Variants in ZNF678 observed in about 807,000 individuals in gnomAD.
The protein encoded by ZNF678 is hypothetical protein MGC42493.
In ZNF678, 5 loss-of-function variants were observed where a neutral mutation model predicts 3.0. That is an observed-to-expected ratio of 1.69 (90% CI 0.88 to 3.56). The LOEUF (loss-of-function observed/expected upper bound fraction) is 3.56, where lower values mean the gene tolerates loss of function less well. ZNF678 is among the 30% of genes most tolerant of loss of function. ZNF678 has a pLI of 0.00. For synonymous variants in ZNF678, 218 were observed against 199.6 expected, an observed-to-expected ratio of 1.09 and a Z score of -0.78; for missense variants, 593 against 605.0, an observed-to-expected ratio of 0.98 and a Z score of 0.21.
At chr1:227,569,061 A>G (rs1656769919) in intron 1 of ZNF678, among the ~76,000 whole-genome samples, 2 of 152,198 alleles carry the variant, frequency 1.3e-5, no homozygotes, top group African/African-American at 4.8e-5. Context: ...GTGCAATCAT[A>G]GCTAACTGCA....
intron 1 of ZNF678, among the ~76,000 whole-genome samples, chr1:227,594,137 C>T (rs1252242572): frequency 6.6e-6 from 1 of 152,132 alleles, no homozygotes; most frequent in African/African-American, 2.4e-5. Flanking sequence ...CAGTGGACTT[C>T]ATAGTCCTAA....
intron 1 of ZNF678, among the ~76,000 whole-genome samples, chr1:227,594,043 T>C (rs1657496388): frequency 6.6e-6 from 1 of 152,098 alleles, no homozygotes; most frequent in South Asian, 2.1e-4. Flanking sequence ...AAGACTGAGT[T>C]TTTGAGGGAA....
At chr1:227,604,657 G>A (rs1657820325) in intron 1 of ZNF678, among the ~76,000 whole-genome samples, 1 of 152,062 alleles carries the variant, frequency 6.6e-6, no homozygotes, top group Admixed American at 6.6e-5. Flanking sequence ...TCAAAGTGCT[G>A]GGCTTACACG....
intron 1 of ZNF678, among the ~76,000 whole-genome samples, chr1:227,608,753 G>A (rs183943826): frequency 3.9e-5 from 6 of 152,176 alleles, no homozygotes; most frequent in African/African-American, 7.2e-5. Context: ...TAAAATGCCC[G>A]GTAGAGTTGA....
chr1:227,655,574 T>G lies in ZNF678; in HGVS notation c.1324T>G (p.Phe442Val), dbSNP rs1659220921. Reference sequence around the variant, plus strand: ...CAAATGTAAAGAATGTGGCAAAGCTTTTTACCAATCCTCAATCCTTAGTAA... The same window carrying G: ...CAAATGTAAAGAATGTGGCAAAGCTGTTTACCAATCCTCAATCCTTAGTAA... Reference protein sequence around the residue: ...PYKCKECGKAFYQSSILSKHK... With the variant: ...PYKCKECGKAVYQSSILSKHK... The change falls in exon 4 of 4, where the codon TTT becomes GTT. Residue 442 changes from phenylalanine to valine, a missense_variant. Transcript: ENST00000343776. 1 of 1,612,480 alleles carries G rather than the reference T, an allele frequency of 6.2e-7. No homozygotes were observed. Among genetic ancestry groups the G allele is most frequent in the East Asian group, 2.2e-5 (1 of 44,806 alleles).
At position 227,642,986 on chromosome 1, in the gene ZNF678, TC is replaced by T. The variant is rs555601219; in HGVS notation, c.-163-3557del. Among the ~76,000 whole-genome samples, 43 of 152,268 alleles carry T rather than the reference TC, an allele frequency of 2.8e-4. No individual in the cohort carries two copies. The East Asian group carries it at 7.5e-3, about 27-fold the overall frequency. On this transcript the variant is annotated intron_variant, in intron 1 of 3. Transcript: ENST00000343776. ...TCATGGCTCCATCATCCGGGAACTTTCAGTCTAGAAAATGTAGATAAATGCT... is the reference window on the plus strand; with the variant it reads ...TCATGGCTCCATCATCCGGGAACTTTAGTCTAGAAAATGTAGATAAATGCT...
At chr1:227,563,768 C>A (rs990480499) in intron 1 of ZNF678, 44 bp downstream of exon 1, 1 of 1,305,400 alleles carries the variant, frequency 7.7e-7, no homozygotes, top group East Asian at 5.5e-5. Context: ...GGTCCGGCCT[C>A]CCGGCGTCAG....
chr1:227,643,863 C>CTTTTTTTTTTTTTTTT (rs554280668), intron 1 of ZNF678, among the ~76,000 whole-genome samples: 11 of 115,424 alleles, frequency 9.5e-5, no homozygotes, highest in Non-Finnish European at 1.2e-4. Flanking sequence ...CTTTTCTTTT[C>CTTTTTTTTTTTTTTTT]TTTTTTTTTT....
chr1:227,595,461 CT>C (rs1312772765), intron 1 of ZNF678, among the ~76,000 whole-genome samples: 3 of 152,154 alleles, frequency 2.0e-5, no homozygotes, highest in African/African-American at 7.2e-5. Flanking sequence ...GCCAATCCAC[CT>C]CTAATGCTGG....
At chr1:227,568,693 T>TA (rs1218600964) in intron 1 of ZNF678, among the ~76,000 whole-genome samples, 1 of 152,188 alleles carries the variant, frequency 6.6e-6, no homozygotes, top group Non-Finnish European at 1.5e-5. Context: ...GTCCCAGAGT[T>TA]ACAGGCAGTC....
At chr1:227,565,928 T>A (rs1036732799) in intron 1 of ZNF678, among the ~76,000 whole-genome samples, 20 of 152,034 alleles carry the variant, frequency 1.3e-4, no homozygotes, top group African/African-American at 4.8e-4. Context: ...GGCTAGCTAA[T>A]TTTTTTGTAT....
intron 5 of ZNF678, among the ~76,000 whole-genome samples, chr1:227,675,020 AT>A (rs1659657668): frequency 6.6e-6 from 1 of 152,224 alleles, no homozygotes; most frequent in Non-Finnish European, 1.5e-5. Context: ...AATAAGAAGT[AT>A]ATGTTGAACT....
intron 1 of ZNF678, among the ~76,000 whole-genome samples, chr1:227,636,262 T>C (rs940390444): frequency 3.3e-5 from 5 of 152,180 alleles, no homozygotes; most frequent in Non-Finnish European, 1.5e-5. Context: ...GGCTGGTACA[T>C]GGGCTACTTT....
chr1:227,568,378 G>T (rs1445004150), intron 1 of ZNF678, among the ~76,000 whole-genome samples: 1 of 150,454 alleles, frequency 6.6e-6, no homozygotes, highest in African/African-American at 2.4e-5. Flanking sequence ...ATGGGAATTT[G>T]CAATCCGTGT....
At chr1:227,674,791 C>A (rs1045163841) in intron 5 of ZNF678, among the ~76,000 whole-genome samples, 8 of 151,938 alleles carry the variant, frequency 5.3e-5, no homozygotes, top group Non-Finnish European at 1.2e-4. Context: ...TTAGTAGAGA[C>A]GGGGTTTCAC....
At chr1:227,615,525 C>G (rs780651871) in intron 1 of ZNF678, among the ~76,000 whole-genome samples, 2 of 152,182 alleles carry the variant, frequency 1.3e-5, no homozygotes, top group African/African-American at 4.8e-5. Flanking sequence ...CCTCCTGGTC[C>G]TCCTGTCCCA....
intron 1 of ZNF678, among the ~76,000 whole-genome samples, chr1:227,615,991 C>T (rs775965729): frequency 6.6e-6 from 1 of 152,068 alleles, no homozygotes; most frequent in Non-Finnish European, 1.5e-5. Flanking sequence ...CAGTTCAGTC[C>T]CCACCAGACT....
chr1:227,609,832 C>G (rs1478460259), intron 1 of ZNF678, among the ~76,000 whole-genome samples: 2 of 151,932 alleles, frequency 1.3e-5, no homozygotes, highest in African/African-American at 4.8e-5. Context: ...CTCCCAGGTT[C>G]AAGCGATTTT....
intron 1 of ZNF678, among the ~76,000 whole-genome samples, chr1:227,596,778 A>G (rs991878035): frequency 2.6e-5 from 4 of 152,186 alleles, no homozygotes; most frequent in Non-Finnish European, 5.9e-5. Context: ...TTGATGTACA[A>G]TTTTGCCTGT....
Sources: gnomAD v4.1 joint callset for allele counts (sites outside exome capture counted in the v4.1 genomes callset) on GRCh38, gnomAD v4.1.1 for gene constraint, MANE v1.5 for transcripts, NCBI Gene and HGNC (gene_info 2026-07-23, HGNC 2026-07-21) for gene names.